RBFOX1: variants seen among roughly 807,000 people sequenced by gnomAD.
RBFOX1 encodes RNA binding protein fox-1 homolog 1.
Under a neutral mutation model 57.7 loss-of-function variants are expected in RBFOX1, and 8 were observed. The observed-to-expected ratio is 0.14, with a 90% CI of 0.08 to 0.25. RBFOX1 has a LOEUF of 0.25. Among genes scored for constraint, RBFOX1 ranks in the 10% least tolerant of loss-of-function variants. The pLI is 1.00. For missense variants in RBFOX1, 611 were observed against 548.5 expected (o/e 1.11, Z -1.14); for synonymous variants, 326 against 222.4 (o/e 1.47, Z -4.15).
At chr16:6,268,790 G>A (rs1171450268) in intron 1 of RBFOX1, among the ~76,000 whole-genome samples, 1 of 152,094 alleles carries the variant, frequency 6.6e-6, no homozygotes, top group Non-Finnish European at 1.5e-5. Context: ...GTGGACTTCT[G>A]GAAAGATGAA....
chr16:7,433,355 C>T (rs1260850119), intron 4 of RBFOX1, among the ~76,000 whole-genome samples: 2 of 152,212 alleles, frequency 1.3e-5, no homozygotes, highest in African/African-American at 4.8e-5. Context: ...AGGAAATTCT[C>T]ACTGATACTT....
At chr16:5,386,661 C>T (rs575002744) in intron 1 of RBFOX1, among the ~76,000 whole-genome samples, 6 of 152,250 alleles carry the variant, frequency 3.9e-5, no homozygotes, top group East Asian at 3.9e-4. Flanking sequence ...CCTTTACCCC[C>T]GGCAGACTCC....
chr16:7,168,114 C>A (rs1197520168), intron 4 of RBFOX1, among the ~76,000 whole-genome samples: 1 of 152,132 alleles, frequency 6.6e-6, no homozygotes, highest in African/African-American at 2.4e-5. Flanking sequence ...TTCAAGGAAG[C>A]AAAATGGTTT....
chr16:7,074,745 G>T (rs1027513472), intron 4 of RBFOX1, among the ~76,000 whole-genome samples: 3 of 152,128 alleles, frequency 2.0e-5, no homozygotes, highest in Admixed American at 6.5e-5. Context: ...AGCAGTATAA[G>T]CATAAGAAAA....
chr16:5,839,562 C>A (rs955282020), intron 3 of RBFOX1, among the ~76,000 whole-genome samples: 2 of 152,142 alleles, frequency 1.3e-5, no homozygotes, highest in African/African-American at 4.8e-5. Flanking sequence ...CATACCTGGC[C>A]ATCAGAGGCT....
At chr16:7,459,885 A>T (rs1220070556) in intron 4 of RBFOX1, among the ~76,000 whole-genome samples, 3 of 152,056 alleles carry the variant, frequency 2.0e-5, no homozygotes, top group South Asian at 4.1e-4. Flanking sequence ...AAAGTTTTGT[A>T]TTTTATTTTT....
chr16:7,271,664 C>G (rs940771705), intron 4 of RBFOX1, among the ~76,000 whole-genome samples: 1 of 152,062 alleles, frequency 6.6e-6, no homozygotes, highest in Non-Finnish European at 1.5e-5. Flanking sequence ...CCATTGATGG[C>G]TCAAATGCCA....
intron 5 of RBFOX1, among the ~76,000 whole-genome samples, chr16:7,533,314 G>A (rs2080604644): frequency 6.6e-6 from 1 of 152,186 alleles, no homozygotes; most frequent in Admixed American, 6.5e-5. Flanking sequence ...ATGTGTTTGT[G>A]TAATGCCAGA....
intron 4 of RBFOX1, among the ~76,000 whole-genome samples, chr16:5,954,209 T>A (rs1194879545): frequency 6.6e-6 from 1 of 152,164 alleles, no homozygotes; most frequent in Non-Finnish European, 1.5e-5. Flanking sequence ...TCATCACATA[T>A]TCAGGCTGGC....
upstream of RBFOX1, among the ~76,000 whole-genome samples, chr16:6,018,245 A>G (rs909761485): frequency 6.6e-6 from 1 of 152,126 alleles, no homozygotes; most frequent in African/African-American, 2.4e-5. Flanking sequence ...AGGTAGGGGA[A>G]GAGCAGAGTT....
At chr16:5,280,654 A>G (rs1174818780) in intron 1 of RBFOX1, among the ~76,000 whole-genome samples, 3 of 152,092 alleles carry the variant, frequency 2.0e-5, no homozygotes, top group Non-Finnish European at 4.4e-5. Context: ...TCCTAGTTCA[A>G]TCTTGGTAGG....
chr16:7,162,173 A>G (rs898550047), intron 4 of RBFOX1, among the ~76,000 whole-genome samples: 6 of 152,162 alleles, frequency 3.9e-5, no homozygotes, highest in African/African-American at 9.7e-5. Flanking sequence ...TGAATGTGCC[A>G]ATAATGGCAG....
At chr16:6,931,332 TCTATCTCTACACAC>T (rs2076498706) in intron 3 of RBFOX1, among the ~76,000 whole-genome samples, 1 of 75,914 alleles carries the variant, frequency 1.3e-5, no homozygotes, top group Non-Finnish European at 2.8e-5. Flanking sequence ...TATCTATCTA[TCTATCTCTACACAC>T]ACACACACAC....
chr16:6,283,621 T>C (rs917446810), intron 1 of RBFOX1, among the ~76,000 whole-genome samples: 3 of 152,168 alleles, frequency 2.0e-5, no homozygotes, highest in African/African-American at 7.2e-5. Flanking sequence ...TGCCTAACTT[T>C]ATAGATATTG....
chr16:6,399,054 C>T (rs1390009781), intron 2 of RBFOX1, among the ~76,000 whole-genome samples: 1 of 152,222 alleles, frequency 6.6e-6, no homozygotes, highest in Non-Finnish European at 1.5e-5. Context: ...TCTGTGCACC[C>T]ACAGGAGCAA....
At chr16:5,649,589 C>G (rs943307868) in intron 3 of RBFOX1, among the ~76,000 whole-genome samples, 12 of 152,220 alleles carry the variant, frequency 7.9e-5, no homozygotes, top group Admixed American at 6.5e-5. Context: ...CCCATCGTCT[C>G]CCTCTCTCAT....
At chr16:7,321,227 C>T (rs980026024) in intron 4 of RBFOX1, among the ~76,000 whole-genome samples, 5 of 152,076 alleles carry the variant, frequency 3.3e-5, no homozygotes, top group African/African-American at 9.7e-5. Flanking sequence ...TCACTGCAAC[C>T]TCTGGCTCCT....
chr16:6,570,806 C>T (rs1440564371), intron 2 of RBFOX1, among the ~76,000 whole-genome samples: 1 of 152,072 alleles, frequency 6.6e-6, no homozygotes, highest in Non-Finnish European at 1.5e-5. Flanking sequence ...ATTATTATAA[C>T]TATTTTACTT....
chr16:7,286,976 A>T (rs1016556340), intron 4 of RBFOX1, among the ~76,000 whole-genome samples: 2 of 152,136 alleles, frequency 1.3e-5, no homozygotes, highest in Admixed American at 1.3e-4. Flanking sequence ...GGTCAGGGTG[A>T]AGCTACATAA....
Sources: allele counts gnomAD v4.1 joint callset (sites outside exome capture counted in the v4.1 genomes callset), GRCh38; gene constraint gnomAD v4.1.1; transcripts MANE v1.5; gene names NCBI Gene and HGNC (gene_info 2026-07-23, HGNC 2026-07-21).